ZYG11B: variants seen among roughly 807,000 people sequenced by gnomAD.
ZYG11B encodes protein zyg-11 homolog B.
A neutral mutation model predicts 82.4 loss-of-function variants in ZYG11B; 36 were observed. That is an observed-to-expected ratio of 0.44 (90% confidence interval 0.33 to 0.58). The LOEUF is 0.58. ZYG11B is among the 20% of genes least tolerant of loss of function. The pLI, the probability that ZYG11B is intolerant of heterozygous loss-of-function variation, is 0.02. For synonymous variants in ZYG11B, 303 were observed against 312.8 expected (o/e 0.97, Z 0.33); for missense variants, 552 against 895.6 (o/e 0.62, Z 4.90).
intron 1 of ZYG11B, among the ~76,000 whole-genome samples, chr1:52,744,095 C>G (rs1644457015): frequency 6.6e-6 from 1 of 152,062 alleles, no homozygotes; most frequent in Non-Finnish European, 1.5e-5. Flanking sequence ...AGCCACCACA[C>G]CCAGCTAATT....
Position 52,783,805 on chromosome 1 carries a change from T to TACACACAC in ZYG11B, c.1093-1069_1093-1062dup, listed in dbSNP as rs144122989. Among the ~76,000 whole-genome samples, 320 of 135,006 alleles carry TACACACAC rather than the reference T, an allele frequency of 2.4e-3. 7 individuals carry two copies. The highest frequency in any genetic ancestry group is 8.7e-3 in the African/African-American group (307 of 35,180). 88.6% of individuals were successfully genotyped at this position (135,006 alleles called of 152,430 possible). A position where few individuals can be genotyped will look rare whatever the true frequency, so the allele number is the denominator to read the frequency against. Reference sequence around the variant, plus strand: ...GCCCAGCTTTATATATATATATATATACACACACACGTATATGTATACATA... The same window carrying TACACACAC: ...GCCCAGCTTTATATATATATATATATACACACACACACACACACGTATATGTATACATA... On this transcript the variant is annotated intron_variant, in intron 4 of 13. Transcript: ENST00000294353.
chr1:52,740,673 C>T (rs113243523), intron 1 of ZYG11B, among the ~76,000 whole-genome samples: 18,363 of 150,720 alleles, frequency 0.12, 2,536 homozygotes, highest in East Asian at 0.35. Flanking sequence ...AAGCAATTCT[C>T]ATGGCTGAGT....
intron 1 of ZYG11B, among the ~76,000 whole-genome samples, chr1:52,741,302 A>C (rs1163848414): frequency 4.4e-5 from 6 of 135,942 alleles, no homozygotes; most frequent in African/African-American, 1.8e-4. Context: ...TCGTCTCAAA[A>C]AAAAAAAAAA....
intron 4 of ZYG11B, 52 bp from the exon 5 acceptor site, chr1:52,784,825 A>C: frequency 6.4e-7 from 1 of 1,557,796 alleles, no homozygotes; most frequent in South Asian, 1.1e-5. Flanking sequence ...TGCTCTGTGA[A>C]GAGGGCTTGT....
chr1:52,743,402 TAAAA>T (rs71044414), intron 1 of ZYG11B, among the ~76,000 whole-genome samples: 1 of 69,116 alleles, frequency 1.4e-5, no homozygotes, highest in African/African-American at 5.5e-5. Context: ...CAATAAATAC[TAAAA>T]AAAAAAAAAA....
intron 8 of ZYG11B, 152 bp from the exon 9 acceptor site, chr1:52,801,667 A>G (rs1049760765): frequency 2.0e-5 from 11 of 560,946 alleles, no homozygotes; most frequent in Non-Finnish European, 2.8e-5. Flanking sequence ...CTTGAAGAAA[A>G]GTTCAGTCCA....
At chr1:52,746,959 A>G (rs1293368111) in intron 1 of ZYG11B, among the ~76,000 whole-genome samples, 3 of 151,230 alleles carry the variant, frequency 2.0e-5, no homozygotes, top group South Asian at 2.1e-4. Flanking sequence ...GGGTAAGACA[A>G]AGGGCATGAT....
chr1:52,816,564 G>A lies in ZYG11B; in HGVS notation c.1979G>A (p.Cys660Tyr). ...SFNPFFPLLG[C>Y]FTTPGVQLWA... is the part of the protein sequence containing the mutation. ...AATCCATTTTTCCCATTACTTGGCT[G>A]TTTCACAACACCAGGAGTTCAGCTA... Residue 660 changes from cysteine to tyrosine, a missense_variant, in exon 13 of 14, where the codon TGT becomes TAT. Physicochemically the swap from Cys to Tyr is radical, Grantham distance 194. Transcript: ENST00000294353. The A allele has an allele frequency of 1.9e-6, 3 of 1,612,496 alleles. No individual in the cohort carries two copies. Among genetic ancestry groups the A allele is most frequent in the Non-Finnish European group, 2.5e-6 (3 of 1,179,638 alleles).
At chr1:52,811,157 T>C (rs1645179340) in intron 10 of ZYG11B, among the ~76,000 whole-genome samples, 1 of 152,214 alleles carries the variant, frequency 6.6e-6, no homozygotes, top group South Asian at 2.1e-4. Flanking sequence ...ACGTGTTGTT[T>C]ACCTAACAAA....
intron 1 of ZYG11B, among the ~76,000 whole-genome samples, chr1:52,741,200 A>G (rs1644426776): frequency 6.7e-6 from 1 of 149,078 alleles, no homozygotes; most frequent in South Asian, 2.1e-4. Context: ...CGAGAGGCTA[A>G]GGCAGGAGTA....
At chr1:52,769,163 A>G (rs1644724964) in intron 2 of ZYG11B, among the ~76,000 whole-genome samples, 1 of 152,158 alleles carries the variant, frequency 6.6e-6, no homozygotes, top group Non-Finnish European at 1.5e-5. Context: ...CATTTAGAGT[A>G]CTTGACATAT....
chr1:52,761,418 A>G (rs922108991), intron 2 of ZYG11B, among the ~76,000 whole-genome samples: 4 of 152,182 alleles, frequency 2.6e-5, no homozygotes, highest in Non-Finnish European at 4.4e-5. Context: ...GCTTTCACAT[A>G]TGAGTGAGAA....
chr1:52,748,620 T>C (rs1040448081), intron 1 of ZYG11B, among the ~76,000 whole-genome samples: 1 of 152,220 alleles, frequency 6.6e-6, no homozygotes, highest in South Asian at 2.1e-4. Context: ...CCCAGCACTT[T>C]GGGAGTCCGA....
At chr1:52,735,802 C>T (rs1210839336) in intron 1 of ZYG11B, among the ~76,000 whole-genome samples, 1 of 152,060 alleles carries the variant, frequency 6.6e-6, no homozygotes, top group Non-Finnish European at 1.5e-5. Flanking sequence ...TCTTCCTACT[C>T]AGAAGTTTTA....
At chr1:52,802,815 T>A (rs970056445) in intron 10 of ZYG11B, among the ~76,000 whole-genome samples, 1 of 151,602 alleles carries the variant, frequency 6.6e-6, no homozygotes, top group Non-Finnish European at 1.5e-5. Context: ...GGTCAGGAGA[T>A]CACGACCATC....
Position 52,803,221 on chromosome 1 carries a change from TATAC to T in ZYG11B, c.1695+1084_1695+1087del, listed in dbSNP as rs1449505293. ...ATATATATACACACACATATATATATATACACACATATATATATACACACACACA... is the reference window on the plus strand; with the variant it reads ...ATATATATACACACACATATATATATACACATATATATATACACACACACA... On this transcript the variant is annotated intron_variant, in intron 10 of 13. Coordinates refer to ENST00000294353, the MANE Select transcript of ZYG11B (RefSeq NM_024646.3). Among the ~76,000 whole-genome samples, 379 of 74,000 alleles carry T rather than the reference TATAC, an allele frequency of 5.1e-3. 31 individuals carry two copies. In the Middle Eastern group the frequency reaches 0.056, roughly 11 times the overall value. 48.5% of individuals were successfully genotyped at this position (74,000 alleles called of 152,430 possible).
chr1:52,749,892 G>A (rs928204705), intron 1 of ZYG11B, among the ~76,000 whole-genome samples: 2 of 152,008 alleles, frequency 1.3e-5, no homozygotes, highest in African/African-American at 4.8e-5. Context: ...TTTCCCTGGT[G>A]TCCTTCAAAG....
At chr1:52,807,546 C>T (rs1262671921) in intron 10 of ZYG11B, among the ~76,000 whole-genome samples, 1 of 142,830 alleles carries the variant, frequency 7.0e-6, no homozygotes, top group Non-Finnish European at 1.5e-5. Context: ...GGCTGGAGTA[C>T]AGTGGCATGA....
At chr1:52,821,142 T>C (rs1187357201) in intron 13 of ZYG11B, among the ~76,000 whole-genome samples, 1 of 151,858 alleles carries the variant, frequency 6.6e-6, no homozygotes, top group Admixed American at 6.6e-5. Context: ...CACTTACCTG[T>C]GATTTTGGGT....
Sources: gnomAD v4.1 joint callset for allele counts (sites outside exome capture counted in the v4.1 genomes callset) on GRCh38, gnomAD v4.1.1 for gene constraint, MANE v1.5 for transcripts, NCBI Gene and HGNC (gene_info 2026-07-23, HGNC 2026-07-21) for gene names.